The following RIC8B variants were observed in gnomAD, a reference collection of about 807,000 sequenced individuals.
RIC8B encodes chaperone Ric-8B.
A neutral mutation model predicts 57.5 loss-of-function variants in RIC8B; 16 were observed. That is an observed-to-expected ratio of 0.28 (90% confidence interval 0.19 to 0.42). The LOEUF (loss-of-function observed/expected upper bound fraction) is 0.42, where lower values mean the gene tolerates loss of function less well. Ranked by LOEUF, RIC8B falls within the 10% of genes least tolerant of loss-of-function variation. The pLI is 1.00. For missense variants in RIC8B, 481 were observed against 677.0 expected (o/e 0.71, Z 3.21); for synonymous variants, 216 against 250.8 (o/e 0.86, Z 1.31).
At chr12:106,789,824 A>G (rs1377224055) in intron 2 of RIC8B, among the ~76,000 whole-genome samples, 5 of 151,904 alleles carry the variant, frequency 3.3e-5, no homozygotes, top group African/African-American at 4.8e-5. Flanking sequence ...ACAGCGGGAC[A>G]TTTTTTGGTA....
At chr12:106,851,413 C>G in intron 6 of RIC8B, 37 bp from the exon 7 acceptor site, 1 of 1,590,284 alleles carries the variant, frequency 6.3e-7, no homozygotes, top group Non-Finnish European at 8.6e-7. Context: ...ACTCTAGTAG[C>G]CTCGATTGAT....
intron 1 of RIC8B, among the ~76,000 whole-genome samples, chr12:106,783,562 A>G (rs1335503298): frequency 6.6e-6 from 1 of 152,146 alleles, no homozygotes; most frequent in African/African-American, 2.4e-5. Context: ...TTCTTCCTCC[A>G]TGCCCCACCC....
At position 106,842,854 on chromosome 12, in the gene RIC8B, TC is replaced by T. The variant is rs779546069; in HGVS notation, c.1065+39del. ...AAAATGGAAGCCCTGGGAAGATGCT[TC>T]CAAAGAATGTAAATGTGCCATACAT... On this transcript the variant is annotated intron_variant, in intron 5 of 9. Transcript: ENST00000392837. 20 of 1,316,728 alleles carry T rather than the reference TC, an allele frequency of 1.5e-5. No homozygotes were observed. In the South Asian group the frequency reaches 2.4e-4, roughly 16 times the overall value. 81.6% of individuals were successfully genotyped at this position (1,316,728 alleles called of 1,614,324 possible).
chr12:106,876,802 C>T (rs918711289), intron 9 of RIC8B, among the ~76,000 whole-genome samples: 1 of 152,034 alleles, frequency 6.6e-6, no homozygotes, highest in Non-Finnish European at 1.5e-5. Context: ...CTTAGTTCTC[C>T]TCATTCTTTA....
intron 6 of RIC8B, among the ~76,000 whole-genome samples, chr12:106,844,681 G>C (rs1194171239): frequency 6.6e-6 from 1 of 152,208 alleles, no homozygotes; most frequent in Non-Finnish European, 1.5e-5. Flanking sequence ...GAGCACAAAT[G>C]GATGCAAGGA....
chr12:106,814,926 G>C lies in RIC8B; in HGVS notation c.363G>C (p.Leu121=), dbSNP rs2045503821. The change falls in exon 3 of 10, where the codon CTG becomes CTC. Residue 121 remains leucine, a synonymous_variant. Transcript: ENST00000392837. ...FPVIVESLKC[L]CNIVFNSQMA... ...TTATTGTGGAGTCATTAAAATGTCTGTGTAATATAGTGTTCAACAGTCAGA... is the reference window on the plus strand; with the variant it reads ...TTATTGTGGAGTCATTAAAATGTCTCTGTAATATAGTGTTCAACAGTCAGA... The C allele has an allele frequency of 1.9e-6, 3 of 1,614,204 alleles. No individual in the cohort carries two copies. The East Asian group carries it at 6.7e-5, about 36-fold the overall frequency.
chr12:106,885,839 G>A (rs1951157800), intron 9 of RIC8B, 65 bp from the exon 10 acceptor site: 10 of 998,820 alleles, frequency 1.0e-5, no homozygotes, highest in Non-Finnish European at 1.5e-5. Context: ...TTGGGTGGGG[G>A]GGAGGGGTGT....
chr12:106,775,007 C>A, intron 1 of RIC8B, 178 bp downstream of exon 1: 3 of 590,462 alleles, frequency 5.1e-6, no homozygotes, highest in East Asian at 5.7e-5. Flanking sequence ...ATGCATCCTG[C>A]ATCCCACTAC....
chr12:106,861,384 C>T (rs1949927008), intron 8 of RIC8B, among the ~76,000 whole-genome samples: 1 of 151,994 alleles, frequency 6.6e-6, no homozygotes, highest in Non-Finnish European at 1.5e-5. Flanking sequence ...AATGGGTTGT[C>T]AGAAGGTGAA....
At chr12:106,788,865 G>GA (rs1421158919) in intron 2 of RIC8B, among the ~76,000 whole-genome samples, 1 of 152,232 alleles carries the variant, frequency 6.6e-6, no homozygotes, top group Admixed American at 6.5e-5. Context: ...TTTTCTTGGG[G>GA]ATTAACATTT....
In RIC8B at chr12:106,775,822, AAC is replaced by A. The variant is rs2136127721; in HGVS notation, c.84+998_84+999del. On this transcript the variant is annotated intron_variant, in intron 1 of 9. Transcript: ENST00000392837. Reference sequence around the variant, plus strand: ...ATGACTGGCGACTCCCTTCTGTGAAAACACACCCAACACCAAGTCACAACCTA... The same window carrying A: ...ATGACTGGCGACTCCCTTCTGTGAAAACACCCAACACCAAGTCACAACCTA... 1.3e-5 allele frequency among the ~76,000 whole-genome samples: 2 copies of A among 152,330 alleles called. 1 individual carries two copies. The highest frequency in any genetic ancestry group is 4.1e-4 in the South Asian group (2 of 4,826).
At chr12:106,803,884 C>G (rs1043568346) in intron 2 of RIC8B, among the ~76,000 whole-genome samples, 6 of 152,162 alleles carry the variant, frequency 3.9e-5, no homozygotes, top group African/African-American at 7.2e-5. Context: ...AATTTTAGCT[C>G]TTACTGTGTA....
chr12:106,779,901 T>TGTAG (rs2043684900), intron 1 of RIC8B, among the ~76,000 whole-genome samples: 4 of 137,876 alleles, frequency 2.9e-5, no homozygotes, highest in African/African-American at 8.3e-5. Flanking sequence ...TGTGTGTGTG[T>TGTAG]GTGTGTAGAG....
intron 9 of RIC8B, among the ~76,000 whole-genome samples, chr12:106,881,506 C>T (rs1175277486): frequency 6.6e-6 from 1 of 151,934 alleles, no homozygotes; most frequent in Non-Finnish European, 1.5e-5. Flanking sequence ...GCCCCTGAGT[C>T]CACCTACTGC....
chr12:106,802,534 ATTTT>A (rs34706345), intron 2 of RIC8B, among the ~76,000 whole-genome samples: 5 of 102,192 alleles, frequency 4.9e-5, no homozygotes, highest in African/African-American at 7.6e-5. Flanking sequence ...CAATATGAGA[ATTTT>A]TTTTTTTTTT....
chr12:106,783,645 C>T (rs905950811), intron 1 of RIC8B, among the ~76,000 whole-genome samples: 1 of 152,172 alleles, frequency 6.6e-6, no homozygotes, highest in African/African-American at 2.4e-5. Context: ...TTCACACATT[C>T]GAGCCTTTGT....
At chr12:106,790,242 T>C (rs1275678401) in intron 2 of RIC8B, among the ~76,000 whole-genome samples, 2 of 152,182 alleles carry the variant, frequency 1.3e-5, no homozygotes, top group African/African-American at 2.4e-5. Context: ...CTTATTACCA[T>C]TGAGGTATAT....
At position 106,849,070 on chromosome 12, in the gene RIC8B, AG is replaced by A. The variant is rs1470444169; in HGVS notation, c.1162-2377del. Among the ~76,000 whole-genome samples, 3 of 152,070 alleles carry A rather than the reference AG, an allele frequency of 2.0e-5. No homozygotes were observed. The South Asian group carries it at 6.2e-4, about 32-fold the overall frequency. ...AAGATGTAGTATTTGATAGCACAAC[AG>A]GGTGATGTCAACAATAATTTGTTGT... On this transcript the variant is annotated intron_variant, in intron 6 of 9. Coordinates refer to ENST00000392837, the MANE Select transcript of RIC8B (RefSeq NM_001330145.2).
In RIC8B at chr12:106,879,676, A is replaced by T; in HGVS notation, c.1572-6228A>T. On this transcript the variant is annotated intron_variant, in intron 9 of 9. Coordinates refer to ENST00000392837, the MANE Select transcript of RIC8B (RefSeq NM_001330145.2). The surrounding 1 kb of genome is among the most constrained non-coding windows in gnomAD (Gnocchi z 4.9). Reference sequence around the variant, plus strand: ...GGCAAAATAGGGTTTCCTTTCTTGGACGTGCTTTATCTGTGTCCTCTTGCC... The same window carrying T: ...GGCAAAATAGGGTTTCCTTTCTTGGTCGTGCTTTATCTGTGTCCTCTTGCC... 1.0e-6 allele frequency: 1 copy of T among 985,380 alleles called. No individual in the cohort carries two copies. The highest frequency in any genetic ancestry group is 1.2e-6 in the Non-Finnish European group (1 of 829,910). 61.0% of individuals were successfully genotyped at this position (985,380 alleles called of 1,614,324 possible).
Sources: allele counts gnomAD v4.1 joint callset (sites outside exome capture counted in the v4.1 genomes callset), GRCh38; gene constraint gnomAD v4.1.1; non-coding constraint Gnocchi (gnomAD v3.1); transcripts MANE v1.5; gene names NCBI Gene and HGNC (gene_info 2026-07-23, HGNC 2026-07-21).